The following ADARB2 variants were observed in gnomAD, a reference collection of about 807,000 sequenced individuals.
The protein encoded by ADARB2 is adenosine deaminase RNA specific B2 (inactive), also known as inactive double-stranded RNA-specific editase B2.
A neutral mutation model predicts 62.2 loss-of-function variants in ADARB2; 25 were observed. The observed-to-expected ratio is 0.40, with a 90% CI of 0.29 to 0.56. The LOEUF (loss-of-function observed/expected upper bound fraction) is 0.56, where lower values mean the gene tolerates loss of function less well. Ranked by LOEUF, ADARB2 falls within the 20% of genes least tolerant of loss-of-function variation. The pLI is 0.43. For missense variants in ADARB2, 1,071 were observed against 1,077.4 expected (o/e 0.99, Z 0.08); for synonymous variants, 572 against 500.8 (o/e 1.14, Z -1.90).
At chr10:1,386,137 C>T (rs779284194) in intron 1 of ADARB2, among the ~76,000 whole-genome samples, 5 of 151,800 alleles carry the variant, frequency 3.3e-5, no homozygotes, top group Non-Finnish European at 5.9e-5. Context: ...AACATGCATG[C>T]TTTAATCTCT....
At chr10:1,556,064 T>C (rs1421264254) in intron 1 of ADARB2, among the ~76,000 whole-genome samples, 1 of 152,212 alleles carries the variant, frequency 6.6e-6, no homozygotes, top group African/African-American at 2.4e-5. Flanking sequence ...AATTATCAGC[T>C]CTTAGAGATT....
intron 9 of ADARB2, 128 bp from the exon 10 acceptor site, chr10:1,183,497 G>A (rs1233882742): frequency 3.4e-6 from 4 of 1,162,014 alleles, no homozygotes; most frequent in South Asian, 3.3e-5. Context: ...CACTATTACA[G>A]AGAGCAACTG....
At chr10:1,288,814 C>A (rs1391404020) in intron 3 of ADARB2, among the ~76,000 whole-genome samples, 1 of 152,220 alleles carries the variant, frequency 6.6e-6, no homozygotes, top group Non-Finnish European at 1.5e-5. Flanking sequence ...GGGTTTCTGA[C>A]AGAGGATGCC....
At chr10:1,560,455 C>T (rs1832770599) in intron 1 of ADARB2, among the ~76,000 whole-genome samples, 1 of 150,072 alleles carries the variant, frequency 6.7e-6, no homozygotes, top group African/African-American at 2.4e-5. Context: ...GTCACACACG[C>T]GTGAACACAC....
chr10:1,708,444 G>A (rs1834916822), intron 1 of ADARB2, among the ~76,000 whole-genome samples: 1 of 152,210 alleles, frequency 6.6e-6, no homozygotes, highest in Non-Finnish European at 1.5e-5. Context: ...AATTTTCAAT[G>A]GAAAGGGAAG....
chr10:1,578,955 C>T (rs112550810), intron 1 of ADARB2, among the ~76,000 whole-genome samples: 2 of 152,218 alleles, frequency 1.3e-5, no homozygotes, highest in African/African-American at 4.8e-5. Context: ...GGAAGGATGC[C>T]GCAGCCAGGG....
rs569679559 is a variant in ADARB2 at position 1,327,569 on chromosome 10, C to T, written c.1077+35459G>A. On this transcript the variant is annotated intron_variant, in intron 3 of 9. Transcript: ENST00000381312. ...AGCGCCTCCTCACGGCCCAGCGCCT[C>T]CTCACTGCACAGCGCCTCCTCACTG... Among the ~76,000 whole-genome samples the T allele has an allele frequency of 9.3e-4, 94 of 101,382 alleles. 8 individuals carry two copies. Among genetic ancestry groups the T allele is most frequent in the African/African-American group, 3.9e-3 (89 of 22,774 alleles). The allele number at this position is 101,382 out of a possible 152,430, so 66.5% of individuals were successfully genotyped here.
chr10:1,264,968 A>T (rs1306233533), intron 4 of ADARB2, among the ~76,000 whole-genome samples: 2 of 152,210 alleles, frequency 1.3e-5, no homozygotes, highest in Non-Finnish European at 2.9e-5. Context: ...TGACCCCCTA[A>T]TGTACTCTAG....
In ADARB2 at chr10:1,578,583, G is replaced by A. The variant is rs114524544; in HGVS notation, c.100+158468C>T. On this transcript the variant is annotated intron_variant, in intron 1 of 9. Coordinates refer to ENST00000381312, the MANE Select transcript of ADARB2 (RefSeq NM_018702.4). ...CTGGAGGCTCCCCTGGCAGCCGTGG[G>A]TGCTGTCGGGCCGGGTACCCAAATC... is the stretch of plus-strand genomic sequence containing the variant. Among the ~76,000 whole-genome samples the A allele has an allele frequency of 4.9e-3, 749 of 152,150 alleles. 3 individuals are homozygous for A. The highest frequency in any genetic ancestry group is 0.017 in the African/African-American group (722 of 41,492).
chr10:1,661,161 A>C (rs913640691), intron 1 of ADARB2, among the ~76,000 whole-genome samples: 3 of 152,074 alleles, frequency 2.0e-5, no homozygotes, highest in African/African-American at 4.8e-5. Flanking sequence ...TCTCAGGTTT[A>C]TTTTCCAAAA....
At chr10:1,245,492 C>T (rs1287365997) in intron 4 of ADARB2, among the ~76,000 whole-genome samples, 2 of 137,868 alleles carry the variant, frequency 1.5e-5, no homozygotes, top group Non-Finnish European at 3.1e-5. Flanking sequence ...CCCCCCTCCC[C>T]CCACCCCACA....
At position 1,544,018 on chromosome 10, in the gene ADARB2, C is replaced by CAA. The variant is rs777877743; in HGVS notation, c.101-164860_101-164859dup. Among the ~76,000 whole-genome samples, 552 of 107,790 alleles carry CAA rather than the reference C, an allele frequency of 5.1e-3. 4 individuals are homozygous for CAA. The highest frequency in any genetic ancestry group is 0.023 in the African/African-American group (509 of 21,672). The allele number at this position is 107,790 out of a possible 152,430, so 70.7% of individuals were successfully genotyped here. A position where few individuals can be genotyped will look rare whatever the true frequency, so the allele number is the denominator to read the frequency against. On this transcript the variant is annotated intron_variant, in intron 1 of 9. Transcript: ENST00000381312. ...GTGACCAAAAAAAAAAAAAAACAAA[C>CAA]AAAAAAAAAAACACACAAAATGGTG...
chr10:1,326,254 T>TATAATTAA (rs1831843923), intron 3 of ADARB2, among the ~76,000 whole-genome samples: 2 of 152,200 alleles, frequency 1.3e-5, no homozygotes, highest in African/African-American at 4.8e-5. Context: ...CGATTTTAAC[T>TATAATTAA]CACTAATTAT....
At chr10:1,483,778 C>T (rs1370470437) in intron 1 of ADARB2, among the ~76,000 whole-genome samples, 1 of 81,332 alleles carries the variant, frequency 1.2e-5, no homozygotes, top group Non-Finnish European at 2.8e-5. Context: ...GTTGTTTAGT[C>T]AAGTTAGTGT....
chr10:1,364,934 G>A (rs111952079), intron 2 of ADARB2, among the ~76,000 whole-genome samples: 2,764 of 150,664 alleles, frequency 0.018, 37 homozygotes, highest in Middle Eastern at 0.034. Flanking sequence ...GGGCAGTGGC[G>A]CGATCTTGGC....
chr10:1,267,477 G>C (rs777694280), intron 4 of ADARB2, among the ~76,000 whole-genome samples: 31 of 152,330 alleles, frequency 2.0e-4, no homozygotes, highest in East Asian at 3.9e-4. Context: ...AGGACGCCGG[G>C]TCTGCAGAGC....
chr10:1,523,936 C>G (rs1181832454), intron 1 of ADARB2, among the ~76,000 whole-genome samples: 1 of 152,146 alleles, frequency 6.6e-6, no homozygotes, highest in Non-Finnish European at 1.5e-5. Flanking sequence ...ACTCAATATC[C>G]ACCCATGCAT....
chr10:1,299,289 C>T (rs534867176), intron 3 of ADARB2, among the ~76,000 whole-genome samples: 1 of 152,044 alleles, frequency 6.6e-6, no homozygotes, highest in African/African-American at 2.4e-5. Flanking sequence ...AGTGCAGAAC[C>T]AGTGTGCGTA....
chr10:1,301,210 G>A (rs545795431), intron 3 of ADARB2, among the ~76,000 whole-genome samples: 1 of 152,266 alleles, frequency 6.6e-6, no homozygotes, highest in South Asian at 2.1e-4. Flanking sequence ...TGGACTCTGT[G>A]CGTGCTAATT....
Sources: gnomAD v4.1 joint callset for allele counts (sites outside exome capture counted in the v4.1 genomes callset) on GRCh38, gnomAD v4.1.1 for gene constraint, MANE v1.5 for transcripts, NCBI Gene and HGNC (gene_info 2026-07-23, HGNC 2026-07-21) for gene names.